Variants in L3HYPDH observed in about 807,000 individuals in gnomAD.
L3HYPDH encodes the protein trans-3-hydroxy-L-proline dehydratase.
In L3HYPDH, 32 loss-of-function variants were observed where a neutral mutation model predicts 26.5. The ratio of observed to expected loss-of-function variants is 1.21; its 90% confidence interval spans 0.91 to 1.62. The LOEUF (loss-of-function observed/expected upper bound fraction) is 1.62, where lower values mean the gene tolerates loss of function less well. Among genes scored for constraint, L3HYPDH ranks in the 40% most tolerant of loss-of-function variants. The pLI, the probability that L3HYPDH is intolerant of heterozygous loss-of-function variation, is 0.00. For synonymous variants in L3HYPDH, 215 were observed against 196.6 expected, an observed-to-expected ratio of 1.09 and a Z score of -0.78; for missense variants, 554 against 476.4, an observed-to-expected ratio of 1.16 and a Z score of -1.52.
chr14:59,476,209 T>G lies in L3HYPDH; in HGVS notation c.684A>C (p.Lys228Asn), dbSNP rs770475089. The part of the protein sequence containing the change: ...AVTEAVKAQF[K>N]INHPDSEDLA... ...GGTCTTCACTATCAGGATGATTAATTTTAAACTGCAAGTAACAAAAAAAGA... is the reference window on the plus strand; with the variant it reads ...GGTCTTCACTATCAGGATGATTAATGTTAAACTGCAAGTAACAAAAAAAGA... Residue 228 changes from lysine to asparagine, a missense_variant, in exon 3 of 5, where the codon AAA becomes AAC. Coordinates refer to ENST00000247194, the MANE Select transcript of L3HYPDH (RefSeq NM_144581.2). 25 of 1,575,264 alleles carry G rather than the reference T, an allele frequency of 1.6e-5. No homozygotes were observed. Among genetic ancestry groups the G allele is most frequent in the Non-Finnish European group, 2.2e-5 (25 of 1,160,344 alleles).
chr14:59,481,617 C>T (rs567484994), intron 1 of L3HYPDH, among the ~76,000 whole-genome samples: 4 of 152,234 alleles, frequency 2.6e-5, no homozygotes, highest in Admixed American at 6.5e-5. Context: ...TACTATGTGC[C>T]GATTACTGTA....
chr14:59,501,223 T>A, the L3HYPDH span: 2 of 1,605,886 alleles, frequency 1.2e-6, no homozygotes, highest in Non-Finnish European at 1.7e-6. Flanking sequence ...ATTAGTGTTA[T>A]CTTTGGTTAC....
chr14:59,478,002 T>C (rs892002376), intron 2 of L3HYPDH, among the ~76,000 whole-genome samples: 8 of 152,202 alleles, frequency 5.3e-5, no homozygotes. Context: ...ACTGATTTTA[T>C]CAAATTAGCT....
At chr14:59,497,892 G>C in the L3HYPDH span, among the ~76,000 whole-genome samples, 1 of 152,170 alleles carries the variant, frequency 6.6e-6, no homozygotes, top group East Asian at 1.9e-4. Flanking sequence ...ACACTCCCCT[G>C]TATAGGGAGA....
At position 59,473,059 on chromosome 14, in the gene L3HYPDH, A is replaced by G. The variant is rs1017293733; in HGVS notation, c.971T>C (p.Ile324Thr). ...ATGGGCTTGTCCTGATACTTCCACTATAACAGCTTTAAAATCACCACATTT... is the reference window on the plus strand; with the variant it reads ...ATGGGCTTGTCCTGATACTTCCACTGTAACAGCTTTAAAATCACCACATTT... ...EAKCGDFKAV[I>T]VEVSGQAHYT... The change falls in exon 5 of 5, where the codon ATA (isoleucine) becomes ACA (threonine). Residue 324 changes from isoleucine (I) to threonine (T), a missense_variant. Coordinates refer to ENST00000247194, the MANE Select transcript of L3HYPDH (RefSeq NM_144581.2). 8.1e-6 allele frequency: 13 copies of G among 1,603,218 alleles called. No homozygotes were observed. The highest frequency in any genetic ancestry group is 2.3e-5 in the East Asian group (1 of 44,292).
Position 59,472,692 on chromosome 14 carries a change from GTAAC to G in L3HYPDH, c.*269_*272del. ...ATTACTATAGAGCAATATTTTAAAA[GTAAC>G]TACTGTTTTAATTTTACCTGATACG... is the stretch of plus-strand genomic sequence containing the variant. On this transcript the variant is annotated 3_prime_UTR_variant, in exon 5 of 5. Transcript: ENST00000247194. 3.6e-6 allele frequency: 1 copy of G among 275,038 alleles called. No individual in the cohort carries two copies. The highest frequency in any genetic ancestry group is 6.7e-6 in the Non-Finnish European group (1 of 149,456). The allele number at this position is 275,038 out of a possible 1,614,324, so 17.0% of individuals were successfully genotyped here. A position where few individuals can be genotyped will look rare whatever the true frequency, so the allele number is the denominator to read the frequency against.
intron 2 of L3HYPDH, among the ~76,000 whole-genome samples, chr14:59,476,654 G>C (rs916185355): frequency 2.0e-5 from 3 of 152,186 alleles, no homozygotes; most frequent in East Asian, 1.9e-4. Flanking sequence ...TGAGTATCTA[G>C]AGCTGAAGTT....
At chr14:59,485,390 C>T (rs1457118616), upstream of L3HYPDH, 5 of 342,058 alleles carry the variant, frequency 1.5e-5, no homozygotes, top group African/African-American at 2.1e-5. Context: ...AAAGCTAAGT[C>T]CGAAATTTGT....
chr14:59,478,007 T>G lies in L3HYPDH; in HGVS notation c.678+1175A>C, dbSNP rs1271506. ...TATTATCTAAACTGATTTTATCAAA[T>G]TAGCTTTCCCAAGTAAAAACTAGAG... is the stretch of plus-strand genomic sequence containing the variant. On this transcript the variant is annotated intron_variant, in intron 2 of 4. Coordinates refer to ENST00000247194, the MANE Select transcript of L3HYPDH (RefSeq NM_144581.2). Among the ~76,000 whole-genome samples, 704 of 152,068 alleles carry G rather than the reference T, an allele frequency of 4.6e-3. 1 individual carries two copies. Among genetic ancestry groups the G allele is most frequent in the Middle Eastern group, 0.027 (8 of 294 alleles).
upstream of L3HYPDH, chr14:59,486,862 T>G: frequency 3.5e-6 from 4 of 1,151,776 alleles, no homozygotes; most frequent in Non-Finnish European, 5.0e-6. Flanking sequence ...TTTTGAAATA[T>G]TTTCACATAC....
At chr14:59,478,396 T>C (rs1889781709) in intron 2 of L3HYPDH, among the ~76,000 whole-genome samples, 1 of 152,004 alleles carries the variant, frequency 6.6e-6, no homozygotes, top group Non-Finnish European at 1.5e-5. Flanking sequence ...ACATCCTGTC[T>C]CTATATAAAC....
At chr14:59,482,261 A>T (rs1890076415) in intron 1 of L3HYPDH, among the ~76,000 whole-genome samples, 1 of 152,128 alleles carries the variant, frequency 6.6e-6, no homozygotes, top group South Asian at 2.1e-4. Flanking sequence ...GACCTTGAAC[A>T]CTATGTCTGC....
the L3HYPDH span, among the ~76,000 whole-genome samples, chr14:59,494,230 T>G: frequency 6.6e-6 from 1 of 151,402 alleles, no homozygotes; most frequent in African/African-American, 2.4e-5. Context: ...GTATTAAAAT[T>G]TAGAACATGT....
Position 59,483,449 on chromosome 14 carries a change from T to C in L3HYPDH, c.508+360A>G, listed in dbSNP as rs1890207625. On this transcript the variant is annotated intron_variant, in intron 1 of 4. Transcript: ENST00000247194. The stretch of plus-strand genomic sequence containing the variant: ...ATTCTCAGCCAGCCTGGAACCCTGG[T>C]ACATTGGCTGTTCTTCGCTCTTTCC... 23 of 1,107,342 alleles carry C rather than the reference T, an allele frequency of 2.1e-5. No homozygotes were observed. In the South Asian group the frequency reaches 4.7e-4, roughly 23 times the overall value. The allele number at this position is 1,107,342 out of a possible 1,614,324, so 68.6% of individuals were successfully genotyped here. A position where few individuals can be genotyped will look rare whatever the true frequency, so the allele number is the denominator to read the frequency against.
At chr14:59,492,050 T>G in the L3HYPDH span, among the ~76,000 whole-genome samples, 7 of 152,176 alleles carry the variant, frequency 4.6e-5, no homozygotes, top group Non-Finnish European at 8.8e-5. Flanking sequence ...CTAGGACTTA[T>G]TGGTACATGC....
At chr14:59,489,293 A>G (rs1390241063), upstream of L3HYPDH, among the ~76,000 whole-genome samples, 2 of 152,230 alleles carry the variant, frequency 1.3e-5, no homozygotes, top group Non-Finnish European at 2.9e-5. Context: ...TTGTTGCTTA[A>G]TGATTTCTTC....
chr14:59,498,950 G>C, the L3HYPDH span: 6 of 944,218 alleles, frequency 6.4e-6, no homozygotes, highest in Non-Finnish European at 7.1e-6. Context: ...ATTTATTATT[G>C]TATGTAGTAA....
the L3HYPDH span, among the ~76,000 whole-genome samples, chr14:59,502,755 T>TGTTTTTTTTTCTTTG: frequency 6.6e-4 from 81 of 122,912 alleles, 6 homozygotes; most frequent in East Asian, 7.7e-4. Flanking sequence ...ATGAGATTTT[T>TGTTTTTTTTTCTTTG]TTTTTTTTTT....
chr14:59,501,607 T>C, the L3HYPDH span, among the ~76,000 whole-genome samples: 3 of 152,202 alleles, frequency 2.0e-5, no homozygotes, highest in Non-Finnish European at 4.4e-5. Context: ...AAAAATGTTT[T>C]ATATTTAGAA....
Sources: allele counts gnomAD v4.1 joint callset (sites outside exome capture counted in the v4.1 genomes callset), GRCh38; gene constraint gnomAD v4.1.1; transcripts MANE v1.5; gene names NCBI Gene and HGNC (gene_info 2026-07-23, HGNC 2026-07-21).